FCHSD2: variants seen among roughly 807,000 people sequenced by gnomAD.
FCHSD2 encodes F-BAR and double SH3 domains protein 2.
A neutral mutation model predicts 108.1 loss-of-function variants in FCHSD2; 38 were observed. The ratio of observed to expected loss-of-function variants is 0.35; its 90% CI spans 0.27 to 0.46. The LOEUF is 0.46. Ranked by LOEUF, FCHSD2 falls within the 20% of genes least tolerant of loss-of-function variation. The probability of loss-of-function intolerance (pLI) is 1.00; values close to 1 mark genes in which losing one functional copy is unlikely to be tolerated. For missense variants in FCHSD2, 751 were observed against 897.8 expected (o/e 0.84, Z 2.09); for synonymous variants, 279 against 314.7 (o/e 0.89, Z 1.20).
At chr11:72,848,503 A>C (rs1419265792) in intron 14 of FCHSD2, among the ~76,000 whole-genome samples, 1 of 152,138 alleles carries the variant, frequency 6.6e-6, no homozygotes, top group African/African-American at 2.4e-5. Flanking sequence ...CTTTACTATA[A>C]ATCTTTTCAC....
intron 3 of FCHSD2, among the ~76,000 whole-genome samples, chr11:73,035,482 T>C (rs1268468365): frequency 2.0e-5 from 3 of 152,136 alleles, no homozygotes; most frequent in Admixed American, 6.5e-5. Flanking sequence ...AACTTGTTTT[T>C]ATCTTGGATG....
At chr11:72,867,246 A>T (rs1165872652) in intron 13 of FCHSD2, among the ~76,000 whole-genome samples, 1 of 152,188 alleles carries the variant, frequency 6.6e-6, no homozygotes, top group Non-Finnish European at 1.5e-5. Context: ...AAATCAACCG[A>T]ATTTTTCTGG....
chr11:73,094,437 C>T (rs1449837108), intron 2 of FCHSD2, among the ~76,000 whole-genome samples: 1 of 152,042 alleles, frequency 6.6e-6, no homozygotes, highest in Non-Finnish European at 1.5e-5. Context: ...AAAATGAAAA[C>T]GTGTCCACAA....
chr11:73,135,256 G>A (rs141027363), intron 2 of FCHSD2, among the ~76,000 whole-genome samples: 29 of 152,244 alleles, frequency 1.9e-4, no homozygotes, highest in African/African-American at 6.8e-4. Context: ...ATACAGGGGA[G>A]AGTACAGTAG....
rs561164090 is a variant in FCHSD2 at position 72,898,798 on chromosome 11, C to T, written c.924+3745G>A. Among the ~76,000 whole-genome samples, 19 of 151,294 alleles carry T rather than the reference C, an allele frequency of 1.3e-4. No homozygotes were observed. In the South Asian group the frequency reaches 2.1e-3, roughly 17 times the overall value. ...AGGATGGAATGCAGTGGTGTGATCACGGCTCATTGCAACCTCCACCTCCCG... is the reference window on the plus strand; with the variant it reads ...AGGATGGAATGCAGTGGTGTGATCATGGCTCATTGCAACCTCCACCTCCCG... On this transcript the variant is annotated intron_variant, in intron 10 of 19. Transcript: ENST00000409418.
intron 4 of FCHSD2, among the ~76,000 whole-genome samples, chr11:73,006,496 T>C (rs1037919722): frequency 1.3e-5 from 2 of 152,086 alleles, no homozygotes; most frequent in Non-Finnish European, 2.9e-5. Context: ...ACTTAAAAAA[T>C]ACCATGGAAT....
chr11:73,091,437 T>C (rs1260480093), intron 2 of FCHSD2, among the ~76,000 whole-genome samples: 1 of 151,562 alleles, frequency 6.6e-6, no homozygotes, highest in Non-Finnish European at 1.5e-5. Flanking sequence ...TAATCCCAGC[T>C]ACATGGGAGG....
intron 13 of FCHSD2, among the ~76,000 whole-genome samples, chr11:72,864,072 T>A (rs1477947512): frequency 1.3e-5 from 2 of 152,232 alleles, no homozygotes; most frequent in African/African-American, 4.8e-5. Flanking sequence ...AATTTATTTA[T>A]ATGCAACTCT....
chr11:72,869,651 A>AT (rs1159662747), intron 12 of FCHSD2: 1 of 152,276 alleles, frequency 6.6e-6, no homozygotes, highest in Admixed American at 6.6e-5. Flanking sequence ...AAGTGAGCAC[A>AT]TACTTGCATT....
chr11:72,842,452 C>T (rs182991888), intron 17 of FCHSD2, among the ~76,000 whole-genome samples, 169 bp downstream of exon 17: 2 of 152,354 alleles, frequency 1.3e-5, no homozygotes, highest in East Asian at 3.9e-4. Flanking sequence ...CCACAAGGGA[C>T]TGACTGACAA....
chr11:72,892,662 T>C (rs1855340217), intron 10 of FCHSD2, among the ~76,000 whole-genome samples: 1 of 152,182 alleles, frequency 6.6e-6, no homozygotes, highest in South Asian at 2.1e-4. Context: ...TGGAGTGCAG[T>C]GGCATGATCT....
At chr11:72,945,631 T>C (rs7941434) in intron 8 of FCHSD2, among the ~76,000 whole-genome samples, 151,964 of 152,266 alleles carry the variant, frequency 1, 75,832 homozygotes, top group Middle Eastern at 1. Context: ...AATGGGAGAA[T>C]ATTTTTGCAA....
At chr11:72,969,168 T>C (rs1274733454) in intron 8 of FCHSD2, among the ~76,000 whole-genome samples, 1 of 152,214 alleles carries the variant, frequency 6.6e-6, no homozygotes, top group Non-Finnish European at 1.5e-5. Context: ...CTGTCCAGTG[T>C]AGCCATGTCA....
intron 8 of FCHSD2, among the ~76,000 whole-genome samples, chr11:72,943,251 C>T (rs1039627597): frequency 6.6e-6 from 1 of 152,176 alleles, no homozygotes; most frequent in South Asian, 2.1e-4. Context: ...CCTCTACCTC[C>T]CAAAGTGCTG....
rs971730329 is a variant in FCHSD2, at chr11:73,080,264, T to C, written c.165+3431A>G. ...CTAAGCTATGATTGTGCCACTGCAA[T>C]CCAGTCTGGGTGATAGAGCAAGACC... is the stretch of plus-strand genomic sequence containing the variant. On this transcript the variant is annotated intron_variant, in intron 3 of 19. Coordinates refer to ENST00000409418, the MANE Select transcript of FCHSD2 (RefSeq NM_014824.3). Among the ~76,000 whole-genome samples the C allele has an allele frequency of 2.7e-4, 34 of 124,930 alleles. 1 individual carries two copies. The highest frequency in any genetic ancestry group is 1.6e-5 in the Non-Finnish European group (1 of 64,124). 82.0% of individuals were successfully genotyped at this position (124,930 alleles called of 152,430 possible).
At chr11:73,042,216 C>T (rs1356550996) in intron 3 of FCHSD2, among the ~76,000 whole-genome samples, 2 of 152,130 alleles carry the variant, frequency 1.3e-5, no homozygotes, top group African/African-American at 2.4e-5. Context: ...TGCGCCACTG[C>T]ACCCGGCTGA....
chr11:73,101,641 T>G lies in FCHSD2; in HGVS notation c.120-17901A>C, dbSNP rs919140136. Reference sequence around the variant, plus strand: ...TTGTAGAGACAGGATCTTACTATGTTGCCCAGGGTAGTCTGGAACTCCTGA... The same window carrying G: ...TTGTAGAGACAGGATCTTACTATGTGGCCCAGGGTAGTCTGGAACTCCTGA... On this transcript the variant is annotated intron_variant, in intron 2 of 19. Coordinates refer to ENST00000409418, the MANE Select transcript of FCHSD2 (RefSeq NM_014824.3). Among the ~76,000 whole-genome samples the G allele has an allele frequency of 6.6e-5, 10 of 152,068 alleles. 1 individual carries two copies. The highest frequency in any genetic ancestry group is 4.4e-5 in the Non-Finnish European group (3 of 68,010).
intron 4 of FCHSD2, among the ~76,000 whole-genome samples, chr11:73,001,611 T>C (rs964359333): frequency 2.6e-5 from 4 of 152,238 alleles, no homozygotes; most frequent in African/African-American, 9.6e-5. Context: ...GGTACCTGTA[T>C]ATATAGTACA....
At chr11:72,917,883 G>C (rs1320284443) in intron 9 of FCHSD2, among the ~76,000 whole-genome samples, 1 of 149,522 alleles carries the variant, frequency 6.7e-6, no homozygotes, top group East Asian at 2.0e-4. Flanking sequence ...GTGAGACCTT[G>C]TCTCAAATTA....
Sources: allele counts gnomAD v4.1 joint callset (sites outside exome capture counted in the v4.1 genomes callset), GRCh38; gene constraint gnomAD v4.1.1; transcripts MANE v1.5; gene names NCBI Gene and HGNC (gene_info 2026-07-23, HGNC 2026-07-21).